Variants in CDKAL1 observed in about 807,000 individuals in gnomAD.
The protein encoded by CDKAL1 is threonylcarbamoyladenosine tRNA methylthiotransferase.
A neutral mutation model predicts 68.2 loss-of-function variants in CDKAL1; 32 were observed. The ratio of observed to expected loss-of-function variants is 0.47; its 90% confidence interval spans 0.35 to 0.63. The LOEUF (loss-of-function observed/expected upper bound fraction) is 0.63, where lower values mean the gene tolerates loss of function less well. Ranked by LOEUF, CDKAL1 falls within the 30% of genes least tolerant of loss-of-function variation. CDKAL1 has a pLI of 0.00. For synonymous variants in CDKAL1, 234 were observed against 244.3 expected (o/e 0.96, Z 0.39); for missense variants, 606 against 696.7 (o/e 0.87, Z 1.47).
chr6:21,000,757 A>G (rs1767386588), intron 11 of CDKAL1, among the ~76,000 whole-genome samples: 1 of 152,232 alleles, frequency 6.6e-6, no homozygotes, highest in Non-Finnish European at 1.5e-5. Flanking sequence ...AAATTGTGTC[A>G]CTACAAAATA....
At chr6:20,708,701 A>G (rs1441448572) in intron 5 of CDKAL1, among the ~76,000 whole-genome samples, 2 of 152,050 alleles carry the variant, frequency 1.3e-5, no homozygotes, top group Non-Finnish European at 2.9e-5. Context: ...TTAAATCTCC[A>G]TTTCTTTATT....
chr6:20,771,038 C>T (rs1196318597), intron 7 of CDKAL1, among the ~76,000 whole-genome samples: 6 of 152,118 alleles, frequency 3.9e-5, no homozygotes, highest in African/African-American at 7.2e-5. Flanking sequence ...CTGCCTTCCT[C>T]GAGACCTTAA....
chr6:21,138,264 A>C (rs959711), intron 13 of CDKAL1, among the ~76,000 whole-genome samples: 1 of 151,454 alleles, frequency 6.6e-6, no homozygotes, highest in Non-Finnish European at 1.5e-5. Flanking sequence ...TGTATGCTGT[A>C]TGTGTGTGGG....
intron 13 of CDKAL1, among the ~76,000 whole-genome samples, chr6:21,181,697 T>C (rs1296155164): frequency 6.6e-6 from 1 of 152,212 alleles, no homozygotes; most frequent in Non-Finnish European, 1.5e-5. Flanking sequence ...TCTTAGTCAG[T>C]ATTTTGATAT....
chr6:20,988,601 TAGGG>T (rs1766614301), intron 10 of CDKAL1, among the ~76,000 whole-genome samples: 1 of 152,050 alleles, frequency 6.6e-6, no homozygotes, highest in Admixed American at 6.6e-5. Flanking sequence ...ACCATGGAGT[TAGGG>T]GGGAAAAGAG....
intron 5 of CDKAL1, among the ~76,000 whole-genome samples, chr6:20,738,529 C>T (rs562289310): frequency 7.5e-6 from 1 of 133,832 alleles, no homozygotes; most frequent in South Asian, 2.5e-4. Flanking sequence ...TGCTCTGTTG[C>T]CCAGGCTAGA....
At chr6:21,126,261 GT>G (rs1290282637) in intron 13 of CDKAL1, among the ~76,000 whole-genome samples, 2 of 152,130 alleles carry the variant, frequency 1.3e-5, no homozygotes, top group African/African-American at 2.4e-5. Flanking sequence ...TCTTTCCTCT[GT>G]AGTTATATAA....
intron 12 of CDKAL1, among the ~76,000 whole-genome samples, chr6:21,101,227 T>C: frequency 6.6e-6 from 1 of 152,152 alleles, no homozygotes; most frequent in Middle Eastern, 3.2e-3. Context: ...AGGCTAACAG[T>C]TGGAAGAGAC....
intron 8 of CDKAL1, among the ~76,000 whole-genome samples, chr6:20,821,858 A>G (rs1777292611): frequency 6.6e-6 from 1 of 152,212 alleles, no homozygotes; most frequent in Non-Finnish European, 1.5e-5. Flanking sequence ...CCATTAATAT[A>G]TCATTATAAG....
intron 4 of CDKAL1, 53 bp from the exon 5 acceptor site, chr6:20,649,240 T>C (rs1471111032): frequency 8.1e-7 from 1 of 1,241,290 alleles, no homozygotes; most frequent in African/African-American, 1.5e-5. Flanking sequence ...CTGGATATTT[T>C]TGAATGATTA....
At chr6:20,570,239 G>T (rs1005079633) in intron 4 of CDKAL1, among the ~76,000 whole-genome samples, 64 of 152,030 alleles carry the variant, frequency 4.2e-4, no homozygotes, top group African/African-American at 1.5e-3. Flanking sequence ...GAGTAGCTGG[G>T]ACTACAGGCG....
intron 13 of CDKAL1, among the ~76,000 whole-genome samples, chr6:21,172,017 A>G (rs1362745200): frequency 6.6e-6 from 1 of 152,216 alleles, no homozygotes; most frequent in Non-Finnish European, 1.5e-5. Context: ...TCTCATGGAA[A>G]CCGTGAACCT....
intron 5 of CDKAL1, among the ~76,000 whole-genome samples, chr6:20,681,874 C>T (rs548312239): frequency 3.9e-5 from 6 of 152,222 alleles, no homozygotes; most frequent in South Asian, 4.2e-4. Flanking sequence ...GGGTTATAAA[C>T]GACAGAAATT....
intron 4 of CDKAL1, chr6:20,599,244 A>G: frequency 3.1e-6 from 1 of 325,536 alleles, no homozygotes; most frequent in Non-Finnish European, 6.0e-6. Flanking sequence ...TTTAAAAAGT[A>G]TAAATCCAGA....
intron 6 of CDKAL1, among the ~76,000 whole-genome samples, chr6:20,744,616 A>G: frequency 6.6e-6 from 1 of 152,100 alleles, no homozygotes; most frequent in East Asian, 1.9e-4. Flanking sequence ...ATTTCTCTTT[A>G]AGGCTCAGAT....
At chr6:21,156,768 A>G (rs1001677644) in intron 13 of CDKAL1, among the ~76,000 whole-genome samples, 2 of 152,118 alleles carry the variant, frequency 1.3e-5, no homozygotes, top group African/African-American at 4.8e-5. Flanking sequence ...CTAGAATTCA[A>G]GCAGCTGGAG....
At chr6:20,799,056 T>TG (rs1459401689) in intron 8 of CDKAL1, among the ~76,000 whole-genome samples, 45 of 125,380 alleles carry the variant, frequency 3.6e-4, no homozygotes, top group African/African-American at 1.4e-3. Flanking sequence ...TTTTTTTTTT[T>TG]TTTTTTTTTT....
At position 21,000,296 on chromosome 6, in the gene CDKAL1, G is replaced by A. The variant is rs747640109; in HGVS notation, c.979G>A (p.Asp327Asn). 51 of 1,613,600 alleles carry A rather than the reference G, an allele frequency of 3.2e-5. No homozygotes were observed. The highest frequency in any genetic ancestry group is 3.7e-5 in the Non-Finnish European group (44 of 1,179,702). Residue 327 changes from aspartate to asparagine, a missense_variant, in exon 11 of 16, where the codon GAC becomes AAC. Physicochemically the swap from Asp to Asn is conservative, Grantham distance 23. Transcript: ENST00000274695. ...FLHIPVQSAS[D>N]SVLMEMKREY... The stretch of plus-strand genomic sequence containing the variant: ...GCACATACCAGTCCAGTCTGCCTCC[G>A]ACAGCGTACTCATGGAAATGAAAAG...
At chr6:21,035,040 AAAT>A (rs1156806841) in intron 11 of CDKAL1, among the ~76,000 whole-genome samples, 2 of 152,154 alleles carry the variant, frequency 1.3e-5, no homozygotes, top group African/African-American at 2.4e-5. Context: ...CCATTTAATG[AAAT>A]AGAGCAAAAC....
Sources: gnomAD v4.1 joint callset for allele counts (sites outside exome capture counted in the v4.1 genomes callset) on GRCh38, gnomAD v4.1.1 for gene constraint, MANE v1.5 for transcripts, NCBI Gene and HGNC (gene_info 2026-07-23, HGNC 2026-07-21) for gene names.